Variants in ANKRD11 observed in about 807,000 individuals in gnomAD.
ANKRD11 encodes ankyrin repeat domain 11, also known as ankyrin repeat domain-containing protein 11.
ANKRD11 carries 17 observed loss-of-function variants against 195.7 expected under a neutral mutation model. The ratio of observed to expected loss-of-function variants is 0.09; its 90% CI spans 0.06 to 0.13. The LOEUF (loss-of-function observed/expected upper bound fraction) is 0.13, where lower values mean the gene tolerates loss of function less well. Ranked by LOEUF, ANKRD11 falls within the 10% of genes least tolerant of loss-of-function variation. The probability of loss-of-function intolerance (pLI) is 1.00; values close to 1 mark genes in which losing one functional copy is unlikely to be tolerated. For missense variants in ANKRD11, 3,735 were observed against 3,566.1 expected (o/e 1.05, Z -1.21); for synonymous variants, 1,953 against 1,528.1 (o/e 1.28, Z -6.49).
intron 4 of ANKRD11, 149 bp downstream of exon 4, chr16:89,305,053 CTCCG>C: frequency 8.2e-7 from 1 of 1,224,374 alleles, no homozygotes; most frequent in African/African-American, 1.5e-5. Context: ...GGGGCCTGTG[CTCCG>C]CCCCTGCTGC....
intron 2 of ANKRD11, among the ~76,000 whole-genome samples, chr16:89,331,264 C>T (rs2038052920): frequency 6.6e-6 from 1 of 152,198 alleles, no homozygotes; most frequent in Admixed American, 6.5e-5. Context: ...TGATGAAATA[C>T]ATTCTTAATA....
chr16:89,457,550 A>G (rs1597468427), intron 1 of ANKRD11, among the ~76,000 whole-genome samples: 1 of 149,410 alleles, frequency 6.7e-6, no homozygotes, highest in East Asian at 2.1e-4. Flanking sequence ...GTGAGCTGAG[A>G]TCGCGCCACT....
At chr16:89,447,070 T>C (rs949047915) in intron 1 of ANKRD11, among the ~76,000 whole-genome samples, 1 of 151,826 alleles carries the variant, frequency 6.6e-6, no homozygotes, top group African/African-American at 2.4e-5. Flanking sequence ...ACGAAGACAC[T>C]GCATGAAAGC....
chr16:89,355,058 T>G (rs2039406672), intron 2 of ANKRD11, among the ~76,000 whole-genome samples: 1 of 152,200 alleles, frequency 6.6e-6, no homozygotes, highest in Admixed American at 6.5e-5. Flanking sequence ...ACATGTTTGC[T>G]TTCATCTAAA....
chr16:89,410,899 C>A (rs893263316), intron 2 of ANKRD11, among the ~76,000 whole-genome samples: 1 of 152,208 alleles, frequency 6.6e-6, no homozygotes, highest in Admixed American at 6.5e-5. Flanking sequence ...CTACACAGAG[C>A]CTTATGTACT....
intron 1 of ANKRD11, among the ~76,000 whole-genome samples, chr16:89,457,692 G>A (rs903509279): frequency 1.3e-5 from 2 of 152,076 alleles, no homozygotes; most frequent in African/African-American, 4.8e-5. Context: ...GGGCAGTGGA[G>A]GGTTCTGGTT....
chr16:89,421,959 C>CA (rs2042528063), intron 1 of ANKRD11, among the ~76,000 whole-genome samples: 1 of 152,142 alleles, frequency 6.6e-6, no homozygotes, highest in Non-Finnish European at 1.5e-5. Flanking sequence ...GCTAAGGAGT[C>CA]GGCTACACGC....
At chr16:89,287,272 C>G (rs932545061) in intron 7 of ANKRD11, 2 of 389,290 alleles carry the variant, frequency 5.1e-6, no homozygotes, top group Non-Finnish European at 9.5e-6. Flanking sequence ...CTCTCAGACT[C>G]AGCAGGAAAG....
intron 6 of ANKRD11, among the ~76,000 whole-genome samples, chr16:89,290,243 A>AAT (rs778567305): frequency 4.9e-5 from 1 of 20,558 alleles, no homozygotes; most frequent in Non-Finnish European, 1.7e-4. Context: ...TCAGGGCTCC[A>AAT]GCGGGGGGTA....
intron 2 of ANKRD11, among the ~76,000 whole-genome samples, chr16:89,408,986 C>T (rs935772312): frequency 1.3e-5 from 2 of 152,116 alleles, no homozygotes; most frequent in African/African-American, 2.4e-5. Context: ...ACAGAAAAGG[C>T]GGCCCCAACC....
chr16:89,373,282 G>A (rs1279988698), intron 2 of ANKRD11: 1 of 152,260 alleles, frequency 6.6e-6, no homozygotes, highest in African/African-American at 2.4e-5. Flanking sequence ...CCAGATAAGT[G>A]GTAAGGCTGT....
At chr16:89,394,665 C>T (rs569055802) in intron 2 of ANKRD11, among the ~76,000 whole-genome samples, 4 of 149,938 alleles carry the variant, frequency 2.7e-5, no homozygotes, top group South Asian at 2.1e-4. Context: ...TGTGGAAAAA[C>T]GAGTGTATTT....
chr16:89,290,165 G>A (rs2034931390), intron 6 of ANKRD11, among the ~76,000 whole-genome samples: 1 of 152,258 alleles, frequency 6.6e-6, no homozygotes, highest in Non-Finnish European at 1.5e-5. Flanking sequence ...CTGCAGAGCA[G>A]ACGCGCACCC....
chr16:89,339,479 G>A (rs996302537), intron 2 of ANKRD11, among the ~76,000 whole-genome samples: 2 of 144,184 alleles, frequency 1.4e-5, no homozygotes, highest in Admixed American at 7.3e-5. Context: ...CTGAGTGCAC[G>A]CAGCGCATGT....
At chr16:89,304,503 C>A (rs1458600603) in intron 4 of ANKRD11, among the ~76,000 whole-genome samples, 1 of 151,416 alleles carries the variant, frequency 6.6e-6, no homozygotes, top group Non-Finnish European at 1.5e-5. Context: ...GACGGGCACG[C>A]ATACACAGGC....
At chr16:89,392,520 T>C (rs1597258358) in intron 2 of ANKRD11, 1 of 152,090 alleles carries the variant, frequency 6.6e-6, no homozygotes, top group African/African-American at 2.4e-5. Context: ...ATGTTTTCCA[T>C]GAGCAGCACT....
In ANKRD11 at chr16:89,291,668, G is replaced by C; in HGVS notation, c.227-485C>G. 7 of 1,289,840 alleles carry C rather than the reference G, an allele frequency of 5.4e-6. No homozygotes were observed. The highest frequency in any genetic ancestry group is 7.1e-6 in the Non-Finnish European group (7 of 988,742). The allele number at this position is 1,289,840 out of a possible 1,614,324, so 79.9% of individuals were successfully genotyped here. ...CACATCAGTAAATCAAGGCCAACTGGTCAGTACTGTACCTTTCTTCTTGCT... is the reference window on the plus strand; with the variant it reads ...CACATCAGTAAATCAAGGCCAACTGCTCAGTACTGTACCTTTCTTCTTGCT... On this transcript the variant is annotated intron_variant, in intron 4 of 12. Coordinates refer to ENST00000301030, the MANE Select transcript of ANKRD11 (RefSeq NM_013275.6). This position sits in a 1 kb window ranked among gnomAD's most constrained non-coding sequence, Gnocchi z 5.3.
chr16:89,377,497 G>A (rs1364662566), intron 2 of ANKRD11, among the ~76,000 whole-genome samples: 2 of 152,014 alleles, frequency 1.3e-5, no homozygotes, highest in Non-Finnish European at 2.9e-5. Flanking sequence ...CTGGGGGGCG[G>A]GGAGGGATGA....
At chr16:89,313,536 C>T in intron 3 of ANKRD11, 1 of 1,289,176 alleles carries the variant, frequency 7.8e-7, no homozygotes, top group Non-Finnish European at 1.0e-6. Context: ...GTTGTGGGCT[C>T]CATTTCCATC....
Sources: allele counts gnomAD v4.1 joint callset (sites outside exome capture counted in the v4.1 genomes callset), GRCh38; gene constraint gnomAD v4.1.1; non-coding constraint Gnocchi (gnomAD v3.1); transcripts MANE v1.5; gene names NCBI Gene and HGNC (gene_info 2026-07-23, HGNC 2026-07-21).